Variants in SPAG9 observed in about 807,000 individuals in gnomAD.
The protein encoded by SPAG9 is C-Jun-amino-terminal kinase-interacting protein 4.
SPAG9 carries 35 observed loss-of-function variants against 166.5 expected under a neutral mutation model. That is an observed-to-expected ratio of 0.21 (90% CI 0.16 to 0.28). The LOEUF (loss-of-function observed/expected upper bound fraction) is 0.28, where lower values mean the gene tolerates loss of function less well. Among genes scored for constraint, SPAG9 ranks in the 10% least tolerant of loss-of-function variants. SPAG9 has a pLI of 1.00. For synonymous variants in SPAG9, 534 were observed against 565.5 expected (o/e 0.94, Z 0.79); for missense variants, 1,235 against 1,603.3 (o/e 0.77, Z 3.92).
At chr17:51,119,080 C>T (rs552582644) in intron 1 of SPAG9, among the ~76,000 whole-genome samples, 1 of 147,776 alleles carries the variant, frequency 6.8e-6, no homozygotes, top group African/African-American at 2.5e-5. Context: ...AATTCAATAG[C>T]ATTCCTTTGA....
chr17:51,071,071 T>A (rs957112284), intron 2 of SPAG9, among the ~76,000 whole-genome samples: 8 of 151,804 alleles, frequency 5.3e-5, no homozygotes, highest in Non-Finnish European at 8.8e-5. Context: ...TTCCCCTTCC[T>A]CCCCCCACTA....
intron 18 of SPAG9, among the ~76,000 whole-genome samples, chr17:50,994,382 G>A (rs1209644499): frequency 2.0e-5 from 3 of 152,040 alleles, no homozygotes; most frequent in Non-Finnish European, 4.4e-5. Context: ...TTCCTTCCCA[G>A]TCTCGGGTAT....
At chr17:51,066,890 C>CA (rs567630931) in intron 2 of SPAG9, among the ~76,000 whole-genome samples, 9,156 of 141,104 alleles carry the variant, frequency 0.065, 350 homozygotes, top group Non-Finnish European at 0.093. Context: ...GAGTCCATCT[C>CA]AAAAAAAAAA....
chr17:51,068,207 G>A (rs928717129), intron 2 of SPAG9, among the ~76,000 whole-genome samples: 1 of 152,094 alleles, frequency 6.6e-6, no homozygotes, highest in Non-Finnish European at 1.5e-5. Flanking sequence ...GTCCCAACAG[G>A]TAAGCAAGGC....
chr17:50,970,064 T>C (rs1973662404), intron 29 of SPAG9, among the ~76,000 whole-genome samples: 1 of 152,176 alleles, frequency 6.6e-6, no homozygotes, highest in Non-Finnish European at 1.5e-5. Context: ...AGAAATATTT[T>C]TATTTCTCCA....
chr17:51,048,165 C>A (rs752063534), intron 3 of SPAG9, among the ~76,000 whole-genome samples: 2 of 151,862 alleles, frequency 1.3e-5, no homozygotes, highest in Non-Finnish European at 2.9e-5. Context: ...GACAGACAAG[C>A]TGAATAAGAA....
At chr17:51,010,600 T>TACAC (rs36018106) in intron 9 of SPAG9, among the ~76,000 whole-genome samples, 19 of 146,006 alleles carry the variant, frequency 1.3e-4, no homozygotes, top group African/African-American at 1.0e-4. Context: ...TATATATATA[T>TACAC]ACATATATGT....
intron 8 of SPAG9, among the ~76,000 whole-genome samples, chr17:51,018,337 C>T (rs1378716454): frequency 6.6e-6 from 1 of 151,518 alleles, no homozygotes; most frequent in Non-Finnish European, 1.5e-5. Context: ...TGCATCCAGC[C>T]TAGGCGACAG....
chr17:51,115,934 C>T (rs2049275876), intron 1 of SPAG9, among the ~76,000 whole-genome samples: 1 of 152,192 alleles, frequency 6.6e-6, no homozygotes, highest in African/African-American at 2.4e-5. Context: ...GCTAAATGAG[C>T]TCTCACTTTG....
chr17:51,018,362 T>A lies in SPAG9; in HGVS notation c.1091+1797A>T, dbSNP rs553736537. Among the ~76,000 whole-genome samples, 3 of 150,044 alleles carry A rather than the reference T, an allele frequency of 2.0e-5. No homozygotes were observed. The South Asian group carries it at 6.3e-4, about 31-fold the overall frequency. On this transcript the variant is annotated intron_variant, in intron 8 of 29. Transcript: ENST00000262013. Reference sequence around the variant, plus strand: ...CTAGGCGACAGAGCAAGACTGCATCTCAAAAAAAAAAAGATGAGATCTAAC... The same window carrying A: ...CTAGGCGACAGAGCAAGACTGCATCACAAAAAAAAAAAGATGAGATCTAAC...
chr17:50,999,955 C>G (rs1208733101), intron 13 of SPAG9, among the ~76,000 whole-genome samples: 5 of 152,190 alleles, frequency 3.3e-5, no homozygotes, highest in African/African-American at 9.7e-5. Flanking sequence ...AGTCTACCGA[C>G]AGAGGACTGT....
chr17:51,116,043 TTTTTTTC>T (rs1394291161), intron 1 of SPAG9, among the ~76,000 whole-genome samples: 1 of 145,610 alleles, frequency 6.9e-6, no homozygotes, highest in Admixed American at 6.7e-5. Context: ...AAGTTTCTTT[TTTTTTTC>T]TTTTTTCTTT....
chr17:51,045,084 C>T (rs1444069811), intron 4 of SPAG9, among the ~76,000 whole-genome samples: 1 of 151,946 alleles, frequency 6.6e-6, no homozygotes, highest in Non-Finnish European at 1.5e-5. Context: ...GGGGTAAGTC[C>T]CATCAGGAGA....
intron 9 of SPAG9, chr17:51,009,100 G>A (rs2045349164): frequency 2.3e-6 from 1 of 444,228 alleles, no homozygotes; most frequent in South Asian, 1.6e-5. Flanking sequence ...TTAAAAAGCA[G>A]TAATATTAAA....
rs995598308 is a variant in SPAG9, at chr17:51,120,862, A to T, written c.-206T>A. 112 of 296,952 alleles carry T rather than the reference A, an allele frequency of 3.8e-4. No individual in the cohort carries two copies. The highest frequency in any genetic ancestry group is 1.0e-3 in the Admixed American group (20 of 19,068). 18.4% of individuals were successfully genotyped at this position (296,952 alleles called of 1,614,324 possible). ...CTCTCACCCCAACCGCCGCTGCACC[A>T]ACTGCCGGGGCGGCCCGGCCGCGCG... On this transcript the variant is annotated 5_prime_UTR_variant, in exon 1 of 30. Transcript: ENST00000262013. This position sits in a 1 kb window ranked among gnomAD's most constrained non-coding sequence, Gnocchi z 4.7.
At chr17:50,990,372 C>A in intron 20 of SPAG9, 78 bp downstream of exon 20, 1 of 1,086,172 alleles carries the variant, frequency 9.2e-7, no homozygotes, top group Non-Finnish European at 1.4e-6. Context: ...TACTTAAGAT[C>A]TAAATTAAGT....
intron 2 of SPAG9, among the ~76,000 whole-genome samples, chr17:51,061,096 T>C (rs1018312440): frequency 1.7e-4 from 26 of 151,494 alleles, no homozygotes; most frequent in African/African-American, 6.3e-4. Flanking sequence ...TCCACCCACC[T>C]CGGCCTCCCA....
intron 9 of SPAG9, among the ~76,000 whole-genome samples, chr17:51,013,329 T>TA (rs1567997949): frequency 6.6e-6 from 1 of 152,194 alleles, no homozygotes; most frequent in African/African-American, 2.4e-5. Flanking sequence ...AACTAATTCA[T>TA]AGGAGCCAGA....
At chr17:50,995,700 T>C in intron 16 of SPAG9, 167 bp from the exon 17 acceptor site, 2 of 592,850 alleles carry the variant, frequency 3.4e-6, no homozygotes, top group South Asian at 2.1e-5. Context: ...GTCGCTCTAC[T>C]GCCCAGGCTA....
Sources: allele counts gnomAD v4.1 joint callset (sites outside exome capture counted in the v4.1 genomes callset), GRCh38; gene constraint gnomAD v4.1.1; non-coding constraint Gnocchi (gnomAD v3.1); transcripts MANE v1.5; gene names NCBI Gene and HGNC (gene_info 2026-07-23, HGNC 2026-07-21).